Variants in PDZRN3 observed in about 807,000 individuals in gnomAD.
PDZRN3 encodes the protein E3 ubiquitin-protein ligase PDZRN3.
PDZRN3 carries 38 observed loss-of-function variants against 85.7 expected under a neutral mutation model. The ratio of observed to expected loss-of-function variants is 0.44; its 90% CI spans 0.34 to 0.58. The LOEUF is 0.58. Among genes scored for constraint, PDZRN3 ranks in the 20% least tolerant of loss-of-function variants. PDZRN3 has a pLI of 0.01. For missense variants in PDZRN3, 1,629 were observed against 1,506.4 expected, an observed-to-expected ratio of 1.08 and a Z score of -1.35; for synonymous variants, 759 against 638.0, an observed-to-expected ratio of 1.19 and a Z score of -2.86.
At chr3:73,559,703 AAG>A (rs1202129380) in intron 3 of PDZRN3, among the ~76,000 whole-genome samples, 1 of 152,262 alleles carries the variant, frequency 6.6e-6, no homozygotes, top group African/African-American at 2.4e-5. Flanking sequence ...TACACTTTAA[AAG>A]AGGGGATTTA....
At chr3:73,517,369 C>T (rs1704274380) in intron 3 of PDZRN3, among the ~76,000 whole-genome samples, 1 of 152,182 alleles carries the variant, frequency 6.6e-6, no homozygotes, top group African/African-American at 2.4e-5. Flanking sequence ...GTGAAAAAAG[C>T]TATGCTGGTC....
At chr3:73,443,332 G>A (rs1002161716) in intron 3 of PDZRN3, among the ~76,000 whole-genome samples, 3 of 152,176 alleles carry the variant, frequency 2.0e-5, no homozygotes, top group South Asian at 4.2e-4. Flanking sequence ...CCATCCCCAA[G>A]TCTTTGGAGT....
intron 3 of PDZRN3, among the ~76,000 whole-genome samples, chr3:73,597,595 G>T (rs539573492): frequency 2.6e-5 from 4 of 152,192 alleles, no homozygotes; most frequent in African/African-American, 9.6e-5. Flanking sequence ...CAAGCCTCCT[G>T]TAACACAAAA....
Position 73,383,775 on chromosome 3 carries a change from G to A in PDZRN3, c.2791C>T (p.Arg931Cys). Residue 931 changes from arginine (R) to cysteine (C), a missense_variant, in exon 10 of 10, where the codon CGC becomes TGC. By Grantham distance (180) the Arg-to-Cys change is radical (BLOSUM62 -3). Coordinates refer to ENST00000263666, the MANE Select transcript of PDZRN3 (RefSeq NM_015009.3). ...WKVKIRSDGT[R>C]YITKRPVRDR... ...CGCACGGGCCTCTTGGTGATGTAGC[G>A]CGTCCCGTCGCTGCGGATCTTCACC... is the stretch of plus-strand genomic sequence containing the variant. 1 of 1,613,156 alleles carries A rather than the reference G, an allele frequency of 6.2e-7. No individual in the cohort carries two copies. The highest frequency in any genetic ancestry group is 8.5e-7 in the Non-Finnish European group (1 of 1,179,982).
intron 3 of PDZRN3, among the ~76,000 whole-genome samples, chr3:73,416,976 C>T (rs752907786): frequency 3.5e-5 from 5 of 143,750 alleles, no homozygotes; most frequent in Non-Finnish European, 1.5e-5. Context: ...ACTACAACCT[C>T]TGCTTTCTGA....
At chr3:73,583,304 A>G (rs1261086730) in intron 3 of PDZRN3, among the ~76,000 whole-genome samples, 1 of 152,252 alleles carries the variant, frequency 6.6e-6, no homozygotes, top group Non-Finnish European at 1.5e-5. Flanking sequence ...TATCCACTAT[A>G]CATACTGCTG....
At chr3:73,465,676 A>G (rs931322588) in intron 3 of PDZRN3, among the ~76,000 whole-genome samples, 3 of 152,248 alleles carry the variant, frequency 2.0e-5, no homozygotes, top group Admixed American at 1.3e-4. Context: ...TCTTTCTGCA[A>G]TATCTTTGCC....
chr3:73,505,524 A>C (rs1465534293), intron 3 of PDZRN3, among the ~76,000 whole-genome samples: 1 of 152,216 alleles, frequency 6.6e-6, no homozygotes, highest in African/African-American at 2.4e-5. Flanking sequence ...AAACCAGTAG[A>C]CCTATCAGAA....
rs759512796 is a variant in PDZRN3 at position 73,535,667 on chromosome 3, T to A, written c.918+66687A>T. Among the ~76,000 whole-genome samples the A allele has an allele frequency of 3.1e-4, 47 of 152,350 alleles. No homozygotes were observed. In the South Asian group the frequency reaches 3.3e-3, roughly 11 times the overall value. ...GGACTGACTACAGAGTGAAAACAAG[T>A]CAAGTTCCATTTAGGTCCATAATTA... On this transcript the variant is annotated intron_variant, in intron 3 of 9. Coordinates refer to ENST00000263666, the MANE Select transcript of PDZRN3 (RefSeq NM_015009.3).
At chr3:73,406,359 T>A (rs1437423749) in intron 3 of PDZRN3, among the ~76,000 whole-genome samples, 1 of 151,956 alleles carries the variant, frequency 6.6e-6, no homozygotes, top group African/African-American at 2.4e-5. Flanking sequence ...AGGAATGGGG[T>A]GTAGATGGGG....
chr3:73,387,530 G>A (rs538299256), intron 8 of PDZRN3, among the ~76,000 whole-genome samples: 1 of 152,212 alleles, frequency 6.6e-6, no homozygotes, highest in East Asian at 1.9e-4. Flanking sequence ...CTTATTCGGT[G>A]GTCATATCAG....
chr3:73,464,437 C>T (rs1197055957), intron 3 of PDZRN3, among the ~76,000 whole-genome samples: 6 of 152,148 alleles, frequency 3.9e-5, no homozygotes, highest in Non-Finnish European at 5.9e-5. Flanking sequence ...TATCAAATAA[C>T]ATTGTTGAAC....
At chr3:73,386,712 G>A (rs1701398007) in intron 8 of PDZRN3, among the ~76,000 whole-genome samples, 1 of 152,240 alleles carries the variant, frequency 6.6e-6, no homozygotes, top group African/African-American at 2.4e-5. Context: ...GGCAGAGATG[G>A]TATGGCCACC....
intron 3 of PDZRN3, among the ~76,000 whole-genome samples, chr3:73,585,290 A>G (rs991957852): frequency 1.4e-4 from 22 of 152,250 alleles, no homozygotes; most frequent in Admixed American, 3.9e-4. Context: ...ATTAAGATTT[A>G]CATTGGGTTC....
chr3:73,429,138 T>G (rs76234995), intron 3 of PDZRN3, among the ~76,000 whole-genome samples: 16,113 of 152,134 alleles, frequency 0.11, 1,155 homozygotes, highest in African/African-American at 0.21. Context: ...CCTGAACTCC[T>G]GGGCTCGAGC....
In PDZRN3 at chr3:73,569,598, C is replaced by T. The variant is rs559174036; in HGVS notation, c.918+32756G>A. 1.2e-5 allele frequency: 12 copies of T among 1,015,270 alleles called. No homozygotes were observed. In the African/African-American group the frequency reaches 1.6e-4, roughly 13 times the overall value. The allele number at this position is 1,015,270 out of a possible 1,614,324, so 62.9% of individuals were successfully genotyped here. A position where few individuals can be genotyped will look rare whatever the true frequency, so the allele number is the denominator to read the frequency against. On this transcript the variant is annotated intron_variant, in intron 3 of 9. Coordinates refer to ENST00000263666, the MANE Select transcript of PDZRN3 (RefSeq NM_015009.3). ...TTGACAGACACAGAGGACAGACAGC[C>T]CTGTGCCAAACCTCAGCCCTGTGTC...
At chr3:73,604,736 A>T (rs1702568649) in intron 2 of PDZRN3, among the ~76,000 whole-genome samples, 1 of 152,196 alleles carries the variant, frequency 6.6e-6, no homozygotes, top group Non-Finnish European at 1.5e-5. Context: ...TCTTGGCTGG[A>T]GAGAAAGAGG....
chr3:73,421,244 A>G (rs1702195827), intron 3 of PDZRN3, among the ~76,000 whole-genome samples: 1 of 152,182 alleles, frequency 6.6e-6, no homozygotes, highest in Admixed American at 6.5e-5. Flanking sequence ...GGACACTCCT[A>G]ACACCCTAGG....
intron 3 of PDZRN3, among the ~76,000 whole-genome samples, chr3:73,473,620 A>G (rs1703391467): frequency 6.6e-6 from 1 of 152,352 alleles, no homozygotes; most frequent in African/African-American, 2.4e-5. Flanking sequence ...TTTCATTGAA[A>G]TTCAATCTTC....
Sources: allele counts gnomAD v4.1 joint callset (sites outside exome capture counted in the v4.1 genomes callset), GRCh38; gene constraint gnomAD v4.1.1; transcripts MANE v1.5; gene names NCBI Gene and HGNC (gene_info 2026-07-23, HGNC 2026-07-21).